Variants in OPA3 observed in about 807,000 individuals in gnomAD.
OPA3 encodes the protein outer mitochondrial membrane lipid metabolism regulator OPA3, also known as optic atrophy 3 protein.
A neutral mutation model predicts 4.0 loss-of-function variants in OPA3; 6 were observed. That is an observed-to-expected ratio of 1.51 (90% CI 0.83 to 2.99). OPA3 has a LOEUF of 2.99. Among genes scored for constraint, OPA3 ranks in the 30% most tolerant of loss-of-function variants. OPA3 has a pLI of 0.00. For synonymous variants in OPA3, 105 were observed against 117.1 expected (o/e 0.90, Z 0.67); for missense variants, 235 against 256.2 (o/e 0.92, Z 0.56).
At chr19:45,533,490 A>G (rs978819752) in intron 1 of OPA3, among the ~76,000 whole-genome samples, 2 of 152,200 alleles carry the variant, frequency 1.3e-5, no homozygotes, top group African/African-American at 4.8e-5. Context: ...CACCGCGCCC[A>G]GCTGAATGTA....
At chr19:45,557,362 A>C (rs534483460) in intron 1 of OPA3, among the ~76,000 whole-genome samples, 1 of 152,238 alleles carries the variant, frequency 6.6e-6, no homozygotes, top group African/African-American at 2.4e-5. Flanking sequence ...TGTGGGGTTC[A>C]GGAAACAAGG....
intron 1 of OPA3, among the ~76,000 whole-genome samples, chr19:45,561,059 C>T (rs1310950677): frequency 2.0e-5 from 3 of 152,104 alleles, no homozygotes; most frequent in South Asian, 4.1e-4. Context: ...ACAGGCCGGG[C>T]GCGGTGGCTC....
exon 2 of OPA3, chr19:45,528,357 AGG>A (rs1336484021): frequency 6.6e-6 from 1 of 152,310 alleles, no homozygotes; most frequent in Non-Finnish European, 1.5e-5. Context: ...GTGGAAGAAG[AGG>A]GGGGTTATGT....
chr19:45,541,581 T>G (rs75417540), downstream of OPA3, among the ~76,000 whole-genome samples: 1 of 152,060 alleles, frequency 6.6e-6, no homozygotes, highest in Non-Finnish European at 1.5e-5. Flanking sequence ...AATTTTTTTT[T>G]GGAGAAAGAG....
chr19:45,576,717 C>T (rs1201498844), intron 1 of OPA3, among the ~76,000 whole-genome samples: 1 of 152,078 alleles, frequency 6.6e-6, no homozygotes. Flanking sequence ...TCAAGGCCAG[C>T]GGGGCAGCAT....
chr19:45,583,128 T>C (rs962078402), intron 1 of OPA3, among the ~76,000 whole-genome samples: 8 of 152,006 alleles, frequency 5.3e-5, no homozygotes, highest in African/African-American at 1.7e-4. Flanking sequence ...CCTTATTTTA[T>C]GTCCCACGTA....
intron 1 of OPA3, among the ~76,000 whole-genome samples, chr19:45,559,521 C>A (rs1969474267): frequency 6.6e-6 from 1 of 151,236 alleles, no homozygotes; most frequent in Non-Finnish European, 1.5e-5. Flanking sequence ...CTCACCTCAG[C>A]CTCCCATGTA....
chr19:45,572,597 T>TC (rs1969696649), intron 1 of OPA3, among the ~76,000 whole-genome samples: 1 of 129,848 alleles, frequency 7.7e-6, no homozygotes, highest in African/African-American at 2.9e-5. Context: ...ATATATATAT[T>TC]GATATATATC....
At chr19:45,546,274 G>T, downstream of OPA3, 1 of 397,234 alleles carries the variant, frequency 2.5e-6, no homozygotes, top group Non-Finnish European at 3.4e-6. Context: ...AAACCGGGCT[G>T]CAAATATTAA....
At chr19:45,578,800 C>A (rs1969805457) in intron 1 of OPA3, among the ~76,000 whole-genome samples, 1 of 152,122 alleles carries the variant, frequency 6.6e-6, no homozygotes, top group African/African-American at 2.4e-5. Flanking sequence ...GCACTCCAGC[C>A]TGGGTGTCGG....
intron 1 of OPA3, among the ~76,000 whole-genome samples, chr19:45,581,926 G>A (rs140725412): frequency 1.2e-4 from 18 of 152,264 alleles, no homozygotes; most frequent in Middle Eastern, 3.4e-3. Context: ...AGCCTCCTGA[G>A]TAGATGAGAT....
intron 1 of OPA3, among the ~76,000 whole-genome samples, chr19:45,530,239 A>G (rs1449811384): frequency 1.3e-5 from 2 of 152,056 alleles, no homozygotes; most frequent in Non-Finnish European, 2.9e-5. Flanking sequence ...CTCTAATACC[A>G]GCTACTCTGG....
chr19:45,551,809 C>T lies in OPA3; in HGVS notation c.*1705G>A, dbSNP rs965583687. 26 of 985,154 alleles carry T rather than the reference C, an allele frequency of 2.6e-5. No individual in the cohort carries two copies. Among genetic ancestry groups the T allele is most frequent in the African/African-American group, 1.1e-4 (6 of 57,126 alleles). The allele number at this position is 985,154 out of a possible 1,614,324, so 61.0% of individuals were successfully genotyped here. ...AGGCTGTCGGGTCAGTCCAGAGCTC[C>T]GAGGAAAGAAAGCAAGAGCACACAG... On this transcript the variant is annotated 3_prime_UTR_variant, in exon 2 of 2. Transcript: ENST00000263275.
chr19:45,573,904 T>C (rs1969725815), intron 1 of OPA3, among the ~76,000 whole-genome samples: 1 of 152,210 alleles, frequency 6.6e-6, no homozygotes, highest in African/African-American at 2.4e-5. Flanking sequence ...GGCTCACGCC[T>C]GTAATCCCAA....
chr19:45,531,927 T>A (rs545310065), intron 1 of OPA3, among the ~76,000 whole-genome samples: 1 of 152,378 alleles, frequency 6.6e-6, no homozygotes, highest in Non-Finnish European at 1.5e-5. Context: ...TTCATCCAAA[T>A]AGAGGTCTGA....
chr19:45,584,381 T>C, intron 1 of OPA3: 1 of 985,378 alleles, frequency 1.0e-6, no homozygotes, highest in Non-Finnish European at 1.2e-6. Context: ...AAGCGCTCTC[T>C]TCCTTTATCG....
intron 1 of OPA3, among the ~76,000 whole-genome samples, chr19:45,570,721 G>C (rs1186568789): frequency 2.0e-5 from 3 of 151,020 alleles, no homozygotes; most frequent in Admixed American, 6.6e-5. Context: ...AAATTAGCCG[G>C]GTGTGGTGGC....
intron 1 of OPA3, among the ~76,000 whole-genome samples, chr19:45,564,705 C>T (rs1171858995): frequency 2.0e-5 from 3 of 152,156 alleles, no homozygotes; most frequent in African/African-American, 7.2e-5. Context: ...TCCCAGACCC[C>T]TGCTTCTCTG....
At chr19:45,571,498 G>A (rs1256303195) in intron 1 of OPA3, among the ~76,000 whole-genome samples, 4 of 152,112 alleles carry the variant, frequency 2.6e-5, no homozygotes, top group South Asian at 2.1e-4. Flanking sequence ...ATATATGCTA[G>A]GGAAGGAACC....
Sources: gnomAD v4.1 joint callset for allele counts (sites outside exome capture counted in the v4.1 genomes callset) on GRCh38, gnomAD v4.1.1 for gene constraint, MANE v1.5 for transcripts, NCBI Gene and HGNC (gene_info 2026-07-23, HGNC 2026-07-21) for gene names.